DIXDC1: variants seen among roughly 807,000 people sequenced by gnomAD.
DIXDC1 encodes the protein dixin.
DIXDC1 carries 64 observed loss-of-function variants against 103.1 expected under a neutral mutation model. That is an observed-to-expected ratio of 0.62 (90% CI 0.51 to 0.76). The LOEUF (loss-of-function observed/expected upper bound fraction) is 0.76. DIXDC1 is among the 30% of genes least tolerant of loss of function. The pLI is 0.00. For synonymous variants in DIXDC1, 266 were observed against 298.5 expected (o/e 0.89, Z 1.12); for missense variants, 759 against 834.2 (o/e 0.91, Z 1.11).
intron 1 of DIXDC1, among the ~76,000 whole-genome samples, chr11:111,949,808 T>C (rs1230134683): frequency 4.6e-5 from 7 of 152,206 alleles, no homozygotes; most frequent in Non-Finnish European, 7.4e-5. Context: ...CCTTGTCCTC[T>C]CTGCAATTGG....
upstream of DIXDC1, among the ~76,000 whole-genome samples, chr11:111,936,224 C>T (rs1966181712): frequency 6.6e-6 from 1 of 152,246 alleles, no homozygotes; most frequent in Non-Finnish European, 1.5e-5. Flanking sequence ...CCCTTCCTCT[C>T]CATCTGGGAT....
At chr11:112,014,087 C>T (rs1310994889) in intron 17 of DIXDC1, among the ~76,000 whole-genome samples, 1 of 152,130 alleles carries the variant, frequency 6.6e-6, no homozygotes, top group East Asian at 1.9e-4. Flanking sequence ...GCCTCCATGA[C>T]CCAAACACTT....
rs190406639 is a variant in DIXDC1 at position 111,965,297 on chromosome 11, C to T, written c.190+619C>T. ...ATATTTCTATTATTATTTCTCTCATCGAATGATAATTATGTGGTAATCATT... is the reference window on the plus strand; with the variant it reads ...ATATTTCTATTATTATTTCTCTCATTGAATGATAATTATGTGGTAATCATT... On this transcript the variant is annotated intron_variant, in intron 2 of 19. Coordinates refer to ENST00000440460, the MANE Select transcript of DIXDC1 (RefSeq NM_001037954.4). Among the ~76,000 whole-genome samples, 476 of 152,086 alleles carry T rather than the reference C, an allele frequency of 3.1e-3. 9 individuals are homozygous for T. The highest frequency in any genetic ancestry group is 2.2e-3 in the Non-Finnish European group (149 of 68,002).
Position 111,985,504 on chromosome 11 carries a change from G to A in DIXDC1, c.1008+183G>A, listed in dbSNP as rs150266411. 5.3e-5 allele frequency among the ~76,000 whole-genome samples: 8 copies of A among 152,282 alleles called. No homozygotes were observed. The East Asian group carries it at 1.5e-3, about 29-fold the overall frequency. On this transcript the variant is annotated intron_variant, in intron 8 of 19. Coordinates refer to ENST00000440460, the MANE Select transcript of DIXDC1 (RefSeq NM_001037954.4). ...TTTAATAAACAAATATTTATTGAGTGCTGACTATATGCCAGACCCTATTTC... is the reference window on the plus strand; with the variant it reads ...TTTAATAAACAAATATTTATTGAGTACTGACTATATGCCAGACCCTATTTC...
At chr11:111,999,756 T>G (rs1555175796) in intron 17 of DIXDC1, among the ~76,000 whole-genome samples, 1 of 151,736 alleles carries the variant, frequency 6.6e-6, no homozygotes, top group African/African-American at 2.4e-5. Context: ...TCCCAGCTAC[T>G]TGGGAGGCTG....
Position 111,993,695 on chromosome 11 carries a change from C to A in DIXDC1, c.1392C>A (p.His464Gln), listed in dbSNP as rs1308514848. 1 of 1,613,904 alleles carries A rather than the reference C, an allele frequency of 6.2e-7. No individual in the cohort carries two copies. The highest frequency in any genetic ancestry group is 8.5e-7 in the Non-Finnish European group (1 of 1,179,900). Residue 464 changes from histidine (H) to glutamine (Q), a missense_variant, in exon 14 of 20, where the codon CAC becomes CAA. His to Gln is a conservative substitution (Grantham distance 24). Coordinates refer to ENST00000440460, the MANE Select transcript of DIXDC1 (RefSeq NM_001037954.4). ...TGGATCTAGAGCGAGAGCTAGAACA[C>A]AAAGATGTCCTCTTGGCTCACTGTA... is the stretch of plus-strand genomic sequence containing the variant. ...HQVDLERELE[H>Q]KDVLLAHCMK...
intron 1 of DIXDC1, chr11:111,929,763 A>T: frequency 2.5e-6 from 3 of 1,200,154 alleles, no homozygotes; most frequent in South Asian, 2.8e-5. Context: ...TTGAGCTTTA[A>T]ATTTTTTTTT....
intron 10 of DIXDC1, 61 bp from the exon 11 acceptor site, chr11:111,992,354 T>C: frequency 7.1e-7 from 1 of 1,412,824 alleles, no homozygotes; most frequent in Non-Finnish European, 9.7e-7. Flanking sequence ...TAGTAATTTG[T>C]AATAATAACT....
intron 3 of DIXDC1, among the ~76,000 whole-genome samples, chr11:111,969,636 C>G (rs763058245): frequency 1.3e-5 from 2 of 152,112 alleles, no homozygotes; most frequent in South Asian, 2.1e-4. Flanking sequence ...TGCTGTTTCT[C>G]GAGAACTGAC....
chr11:111,988,182 A>G (rs1056043903), intron 9 of DIXDC1, among the ~76,000 whole-genome samples: 2 of 151,610 alleles, frequency 1.3e-5, no homozygotes, highest in Admixed American at 1.3e-4. Context: ...TGTTTTTTGT[A>G]TAGATTGCTC....
At chr11:112,018,753 C>T (rs1861672037) in intron 19 of DIXDC1, among the ~76,000 whole-genome samples, 1 of 152,032 alleles carries the variant, frequency 6.6e-6, no homozygotes, top group African/African-American at 2.4e-5. Context: ...TAGTATCAGG[C>T]ATTTTTTAAA....
intron 17 of DIXDC1, among the ~76,000 whole-genome samples, chr11:112,016,347 GC>G (rs1861589221): frequency 6.6e-6 from 1 of 152,018 alleles, no homozygotes; most frequent in African/African-American, 2.4e-5. Context: ...CTAAATATTG[GC>G]AGAGTCTACA....
At chr11:111,999,189 AT>A (rs1328138318) in intron 17 of DIXDC1, among the ~76,000 whole-genome samples, 2 of 152,354 alleles carry the variant, frequency 1.3e-5, no homozygotes, top group Non-Finnish European at 2.9e-5. Context: ...TTTCAATATA[AT>A]TAAATTTCCT....
chr11:112,014,456 C>G (rs139453325), intron 17 of DIXDC1, among the ~76,000 whole-genome samples: 4 of 152,282 alleles, frequency 2.6e-5, no homozygotes, highest in African/African-American at 9.6e-5. Flanking sequence ...ACCTGTCCTT[C>G]CCTCTTCTTG....
chr11:111,935,483 T>C (rs1447525729), upstream of DIXDC1, among the ~76,000 whole-genome samples: 4 of 152,220 alleles, frequency 2.6e-5, no homozygotes, highest in African/African-American at 9.6e-5. Flanking sequence ...GATGTCTCAA[T>C]ATTTTCTGCT....
At position 111,986,886 on chromosome 11, in the gene DIXDC1, C is replaced by T. The variant is rs782625845; in HGVS notation, c.1024C>T (p.Arg342Cys). Residue 342 changes from arginine to cysteine, a missense_variant, in exon 9 of 20, where the codon CGT becomes TGT. Arg to Cys is a radical substitution (Grantham distance 180). Coordinates refer to ENST00000440460, the MANE Select transcript of DIXDC1 (RefSeq NM_001037954.4). Reference protein sequence around the residue: ...PEEQLIIIQSRLDQSMEENQD... With the variant: ...PEEQLIIIQSCLDQSMEENQD... ...TTATATTCAGATTATAATCCAAAGT[C>T]GTCTGGATCAGAGTATGGAGGAGAA... The T allele has an allele frequency of 2.5e-6, 4 of 1,574,080 alleles. No individual in the cohort carries two copies. Among genetic ancestry groups the T allele is most frequent in the East Asian group, 2.3e-5 (1 of 43,300 alleles).
At chr11:111,931,154 G>A (rs1170080434) in intron 2 of DIXDC1, among the ~76,000 whole-genome samples, 3 of 151,648 alleles carry the variant, frequency 2.0e-5, no homozygotes, top group African/African-American at 4.8e-5. Flanking sequence ...GTGACTGGCC[G>A]AGACCCCCCC....
At chr11:111,935,876 G>A (rs1217090850), upstream of DIXDC1, among the ~76,000 whole-genome samples, 2 of 152,224 alleles carry the variant, frequency 1.3e-5, no homozygotes, top group African/African-American at 4.8e-5. Flanking sequence ...CTCAACACCT[G>A]TGCTGGCCCT....
chr11:111,938,417 T>A (rs1182773963), intron 1 of DIXDC1, among the ~76,000 whole-genome samples: 1 of 152,208 alleles, frequency 6.6e-6, no homozygotes, highest in Non-Finnish European at 1.5e-5. Context: ...GTTAGTTGTG[T>A]CTTTCTTCAT....
Sources: allele counts gnomAD v4.1 joint callset (sites outside exome capture counted in the v4.1 genomes callset), GRCh38; gene constraint gnomAD v4.1.1; transcripts MANE v1.5; gene names NCBI Gene and HGNC (gene_info 2026-07-23, HGNC 2026-07-21).